Variants in FAM78B observed in about 807,000 individuals in gnomAD.
The protein encoded by FAM78B is family with sequence similarity 78 member B.
A neutral mutation model predicts 20.0 loss-of-function variants in FAM78B; 10 were observed. The observed-to-expected ratio is 0.50, with a 90% CI of 0.31 to 0.85. The LOEUF (loss-of-function observed/expected upper bound fraction) is 0.85. FAM78B is among the 40% of genes least tolerant of loss of function. The pLI is 0.05. For synonymous variants in FAM78B, 135 were observed against 132.8 expected (o/e 1.02, Z -0.12); for missense variants, 283 against 345.0 (o/e 0.82, Z 1.42).
intron 1 of FAM78B, among the ~76,000 whole-genome samples, chr1:166,117,965 G>A (rs559482062): frequency 1.3e-5 from 2 of 152,284 alleles, no homozygotes; most frequent in African/African-American, 4.8e-5. Context: ...AGGGGCGGGG[G>A]TGATGGGCCC....
At chr1:166,142,880 A>C (rs1405217162) in intron 1 of FAM78B, among the ~76,000 whole-genome samples, 1 of 152,232 alleles carries the variant, frequency 6.6e-6, no homozygotes, top group African/African-American at 2.4e-5. Context: ...GTCAGGGCAC[A>C]GGGTGCAAAC....
chr1:166,064,273 T>C (rs1651717178), intron 2 of FAM78B, among the ~76,000 whole-genome samples: 2 of 152,280 alleles, frequency 1.3e-5, no homozygotes, highest in South Asian at 2.1e-4. Context: ...ACCGTTAAAC[T>C]GTGGGGTCCC....
intron 1 of FAM78B, among the ~76,000 whole-genome samples, chr1:166,113,452 T>C (rs1654136126): frequency 6.6e-6 from 1 of 152,216 alleles, no homozygotes; most frequent in South Asian, 2.1e-4. Flanking sequence ...ACAGCACGTG[T>C]GAAAGCCTTA....
At chr1:166,102,157 G>A (rs1653555060) in intron 1 of FAM78B, among the ~76,000 whole-genome samples, 1 of 152,144 alleles carries the variant, frequency 6.6e-6, no homozygotes. Context: ...ACAAGCAAAT[G>A]CTGAGAGATT....
chr1:166,119,330 C>T (rs1007112967), intron 1 of FAM78B, among the ~76,000 whole-genome samples: 3 of 152,178 alleles, frequency 2.0e-5, no homozygotes, highest in African/African-American at 7.2e-5. Context: ...GTGGCATCTG[C>T]TACAAACACC....
intron 1 of FAM78B, among the ~76,000 whole-genome samples, chr1:166,160,428 C>T (rs888935554): frequency 1.1e-4 from 17 of 152,220 alleles, no homozygotes; most frequent in Non-Finnish European, 2.1e-4. Context: ...AGCAAGGCTT[C>T]GGTGTTTGCT....
chr1:166,156,345 T>G (rs574809259), intron 1 of FAM78B, among the ~76,000 whole-genome samples: 1 of 152,244 alleles, frequency 6.6e-6, no homozygotes, highest in African/African-American at 2.4e-5. Context: ...CTTAAAAGTG[T>G]CCACATGCTG....
Position 166,070,391 on chromosome 1 carries a change from C to T in FAM78B, c.636G>A (p.Val212=), listed in dbSNP as rs1235439730. ...LQLLGQRARL[V]GRTQQEQPRI... ...GGGGCTGCTCCTGCTGAGTCCTGCC[C>T]ACCAGCCGGGCCCGCTGCCCCAAGA... The change falls in exon 2 of 2, where the codon GTG becomes GTA. Residue 212 remains valine (V), a synonymous_variant. Coordinates refer to ENST00000354422, the MANE Select transcript of FAM78B (RefSeq NM_001017961.5). 1 of 1,614,104 alleles carries T rather than the reference C, an allele frequency of 6.2e-7. No homozygotes were observed. Among genetic ancestry groups the T allele is most frequent in the East Asian group, 2.2e-5 (1 of 44,886 alleles).
At chr1:166,148,392 T>C (rs1252750469) in intron 1 of FAM78B, among the ~76,000 whole-genome samples, 1 of 152,244 alleles carries the variant, frequency 6.6e-6, no homozygotes, top group African/African-American at 2.4e-5. Flanking sequence ...GGCAGAGGCC[T>C]AGCTTTGGAA....
downstream of FAM78B, among the ~76,000 whole-genome samples, chr1:166,069,219 A>C (rs1240019427): frequency 6.6e-6 from 1 of 151,824 alleles, no homozygotes; most frequent in Non-Finnish European, 1.5e-5. Context: ...TCATGTGTGC[A>C]TGTGTGCATG....
At chr1:166,165,637 C>T (rs1367698572) in intron 1 of FAM78B, among the ~76,000 whole-genome samples, 9 of 152,082 alleles carry the variant, frequency 5.9e-5, no homozygotes, top group Admixed American at 5.9e-4. Context: ...CCCGGGGAGC[C>T]CCACAAAGCA....
chr1:166,139,752 C>T (rs1655208485), intron 1 of FAM78B, among the ~76,000 whole-genome samples: 1 of 152,210 alleles, frequency 6.6e-6, no homozygotes, highest in African/African-American at 2.4e-5. Context: ...GCTGTTCTTC[C>T]TGTGGACACG....
chr1:166,060,989 A>T (rs1361624814), intron 2 of FAM78B, among the ~76,000 whole-genome samples: 1 of 152,298 alleles, frequency 6.6e-6, no homozygotes, highest in Non-Finnish European at 1.5e-5. Context: ...CCCCAATGGC[A>T]TTGTTTTTTA....
chr1:166,089,060 C>T (rs907604341), intron 1 of FAM78B, among the ~76,000 whole-genome samples: 3 of 152,178 alleles, frequency 2.0e-5, no homozygotes, highest in African/African-American at 7.2e-5. Flanking sequence ...TCGGCAGACA[C>T]TGTCTGGAAG....
intron 1 of FAM78B, chr1:166,154,929 T>C (rs1423222238): frequency 2.3e-6 from 1 of 430,586 alleles, no homozygotes; most frequent in Non-Finnish European, 4.8e-6. Context: ...CTTGCATTCT[T>C]CTGGCCATTT....
At chr1:166,133,177 G>A (rs1333796978) in intron 1 of FAM78B, among the ~76,000 whole-genome samples, 1 of 152,150 alleles carries the variant, frequency 6.6e-6, no homozygotes, top group Non-Finnish European at 1.5e-5. Context: ...AGACCCCAGT[G>A]TTTTTCTACT....
At chr1:166,069,227 ATG>A (rs140625373), downstream of FAM78B, among the ~76,000 whole-genome samples, 2,503 of 151,810 alleles carry the variant, frequency 0.016, 40 homozygotes, top group South Asian at 0.027. Flanking sequence ...GCATGTGTGC[ATG>A]TGTGTGTGTG....
chr1:166,063,411 C>T (rs938612389), intron 2 of FAM78B, among the ~76,000 whole-genome samples: 15 of 152,080 alleles, frequency 9.9e-5, no homozygotes, highest in African/African-American at 3.6e-4. Flanking sequence ...GAAGGAGGCT[C>T]GCTTGCACAG....
At position 166,137,926 on chromosome 1, in the gene FAM78B, C is replaced by G. The variant is rs540089783; in HGVS notation, c.263+28060G>C. ...TTAACAGCAGAAACAGACCCTGGTC[C>G]CCCTGTAGGCAGCTGGTCTCAGGCA... On this transcript the variant is annotated intron_variant, in intron 1 of 1. Coordinates refer to ENST00000354422, the MANE Select transcript of FAM78B (RefSeq NM_001017961.5). Among the ~76,000 whole-genome samples the G allele has an allele frequency of 2.0e-5, 3 of 152,266 alleles. No individual in the cohort carries two copies. The South Asian group carries it at 6.2e-4, about 32-fold the overall frequency.
Sources: allele counts gnomAD v4.1 joint callset (sites outside exome capture counted in the v4.1 genomes callset), GRCh38; gene constraint gnomAD v4.1.1; transcripts MANE v1.5; gene names NCBI Gene and HGNC (gene_info 2026-07-23, HGNC 2026-07-21).